The following STX6 variants were observed in gnomAD, a reference collection of about 807,000 sequenced individuals.
The protein encoded by STX6 is syntaxin-6.
Under a neutral mutation model 38.0 loss-of-function variants are expected in STX6, and 23 were observed. That is an observed-to-expected ratio of 0.60 (90% CI 0.43 to 0.86). The LOEUF is 0.86. STX6 is among the 40% of genes least tolerant of loss of function. The probability of loss-of-function intolerance (pLI) is 0.00; values close to 1 mark genes in which losing one functional copy is unlikely to be tolerated. For synonymous variants in STX6, 123 were observed against 107.5 expected (o/e 1.14, Z -0.89); for missense variants, 274 against 312.9 (o/e 0.88, Z 0.94).
rs1235162896 is a variant in STX6 at position 180,976,666 on chromosome 1, G to A, written c.692-20C>T. ...GCCGATCTGGAAGGCAGGACATGGG[G>A]ATTAGCTCTCACAGGGACTCCACAT... On this transcript the variant is annotated intron_variant, in intron 7 of 7. Coordinates refer to ENST00000258301, the MANE Select transcript of STX6 (RefSeq NM_005819.6). 1 of 1,610,638 alleles carries A rather than the reference G, an allele frequency of 6.2e-7. No homozygotes were observed. Among genetic ancestry groups the A allele is most frequent in the Non-Finnish European group, 8.5e-7 (1 of 1,178,204 alleles).
At chr1:180,993,915 TAGTATAA>T (rs1283577195) in intron 3 of STX6, among the ~76,000 whole-genome samples, 1 of 152,234 alleles carries the variant, frequency 6.6e-6, no homozygotes, top group African/African-American at 2.4e-5. Context: ...CATGTGCTTT[TAGTATAA>T]AGTATATTTA....
At chr1:181,022,288 T>G (rs1361702562) in intron 1 of STX6, among the ~76,000 whole-genome samples, 4 of 152,272 alleles carry the variant, frequency 2.6e-5, no homozygotes, top group East Asian at 3.9e-4. Context: ...CGAAGCAAGA[T>G]CCCATGCTCG....
intron 3 of STX6, among the ~76,000 whole-genome samples, chr1:180,997,655 C>T (rs889276003): frequency 6.6e-6 from 1 of 152,072 alleles, no homozygotes; most frequent in African/African-American, 2.4e-5. Context: ...ATTAAGCTCA[C>T]CTATTTTTAC....
At chr1:181,022,093 G>A (rs1247320278) in intron 1 of STX6, among the ~76,000 whole-genome samples, 1 of 150,908 alleles carries the variant, frequency 6.6e-6, no homozygotes, top group Non-Finnish European at 1.5e-5. Context: ...CTCCCAGAAC[G>A]GCCCCCGCCC....
intron 1 of STX6, among the ~76,000 whole-genome samples, chr1:181,018,409 A>G (rs923609732): frequency 8.8e-5 from 13 of 148,566 alleles, no homozygotes; most frequent in Middle Eastern, 3.5e-3. Flanking sequence ...AAAAAAAAAA[A>G]AAAAAGAAAA....
rs1655215061 is a variant in STX6, at chr1:180,975,258, C to G, written c.*1312G>C. The G allele has an allele frequency of 6.6e-6, 1 of 152,600 alleles. No homozygotes were observed. The highest frequency in any genetic ancestry group is 2.4e-5 in the African/African-American group (1 of 41,438). The allele number at this position is 152,600 out of a possible 1,614,324, so 9.5% of individuals were successfully genotyped here. A position where few individuals can be genotyped will look rare whatever the true frequency, so the allele number is the denominator to read the frequency against. ...CAGCCTCCACCACCGAGTTCTGGCTCTGGGTCCAAATACTACTTTAATATC... is the reference window on the plus strand; with the variant it reads ...CAGCCTCCACCACCGAGTTCTGGCTGTGGGTCCAAATACTACTTTAATATC... On this transcript the variant is annotated 3_prime_UTR_variant, in exon 8 of 8. Coordinates refer to ENST00000258301, the MANE Select transcript of STX6 (RefSeq NM_005819.6).
At position 180,972,754 on chromosome 1, in the gene STX6, C is replaced by T; in HGVS notation, c.*3816G>A. 7.6e-6 allele frequency: 3 copies of T among 395,900 alleles called. No individual in the cohort carries two copies. Among genetic ancestry groups the T allele is most frequent in the South Asian group, 5.7e-5 (3 of 52,542 alleles). 24.5% of individuals were successfully genotyped at this position (395,900 alleles called of 1,614,324 possible). On this transcript the variant is annotated 3_prime_UTR_variant, in exon 8 of 8. Coordinates refer to ENST00000258301, the MANE Select transcript of STX6 (RefSeq NM_005819.6). ...TTTCAGGTTGTTTTATTTTCCTTTT[C>T]CGGAGACTTTTGTACATACTGTTGT...
chr1:180,999,917 C>T (rs1162679073), intron 3 of STX6, among the ~76,000 whole-genome samples: 3 of 152,152 alleles, frequency 2.0e-5, no homozygotes, highest in Admixed American at 6.5e-5. Flanking sequence ...CACCCAGAAC[C>T]CAGAAATCTC....
chr1:180,994,703 T>C (rs1006989180), intron 3 of STX6, among the ~76,000 whole-genome samples: 57 of 152,046 alleles, frequency 3.7e-4, no homozygotes, highest in African/African-American at 1.3e-3. Context: ...TGAAGAGAGG[T>C]TGATTAATGG....
rs977351403 is a variant in STX6 at position 180,972,779 on chromosome 1, T to C, written c.*3791A>G. ...CCGGAGACTTTTGTACATACTGTTG[T>C]CCTGAGTAACAGTATCTCTAAGCTG... On this transcript the variant is annotated 3_prime_UTR_variant, in exon 8 of 8. Coordinates refer to ENST00000258301, the MANE Select transcript of STX6 (RefSeq NM_005819.6). 2 of 372,084 alleles carry C rather than the reference T, an allele frequency of 5.4e-6. No homozygotes were observed. The highest frequency in any genetic ancestry group is 1.1e-5 in the Non-Finnish European group (2 of 187,232). 23.0% of individuals were successfully genotyped at this position (372,084 alleles called of 1,614,324 possible).
chr1:180,979,172 T>C (rs532695945), intron 7 of STX6, among the ~76,000 whole-genome samples: 1 of 152,254 alleles, frequency 6.6e-6, no homozygotes, highest in East Asian at 1.9e-4. Flanking sequence ...AATGGGCTCA[T>C]TAGTAGGCTA....
intron 1 of STX6, among the ~76,000 whole-genome samples, chr1:181,017,468 A>G (rs1656594994): frequency 6.6e-6 from 1 of 152,210 alleles, no homozygotes; most frequent in Non-Finnish European, 1.5e-5. Flanking sequence ...TAAAATAGCA[A>G]AGAGCCATGG....
At chr1:180,980,916 A>G (rs887508628) in intron 7 of STX6, among the ~76,000 whole-genome samples, 4 of 152,240 alleles carry the variant, frequency 2.6e-5, no homozygotes, top group Admixed American at 1.3e-4. Flanking sequence ...GCTAAGTGAG[A>G]GAAGCCAATC....
chr1:181,022,029 T>G (rs954288993), intron 1 of STX6, among the ~76,000 whole-genome samples: 1 of 152,164 alleles, frequency 6.6e-6, no homozygotes, highest in African/African-American at 2.4e-5. Flanking sequence ...TCTCCTCACA[T>G]TACTCAGTAA....
At chr1:181,001,030 G>A in intron 3 of STX6, among the ~76,000 whole-genome samples, 1 of 152,170 alleles carries the variant, frequency 6.6e-6, no homozygotes, top group Non-Finnish European at 1.5e-5. Flanking sequence ...TGTGGATGGG[G>A]CATCTGAGGT....
chr1:181,016,000 GA>G (rs1327969979), intron 1 of STX6, among the ~76,000 whole-genome samples: 1 of 152,182 alleles, frequency 6.6e-6, no homozygotes, highest in African/African-American at 2.4e-5. Context: ...ATCTGGGTTT[GA>G]ACCCTTAAAA....
chr1:181,016,504 A>G (rs749382189), intron 1 of STX6, among the ~76,000 whole-genome samples: 1 of 152,224 alleles, frequency 6.6e-6, no homozygotes, highest in Non-Finnish European at 1.5e-5. Context: ...TCTTACAACG[A>G]AACACTGGAT....
intron 7 of STX6, among the ~76,000 whole-genome samples, chr1:180,978,925 A>G (rs895691476): frequency 3.9e-5 from 6 of 152,248 alleles, no homozygotes; most frequent in African/African-American, 1.4e-4. Context: ...AAGGCACACT[A>G]AAGGAAAAAG....
At chr1:180,998,977 T>G (rs976084955) in intron 3 of STX6, among the ~76,000 whole-genome samples, 11 of 152,224 alleles carry the variant, frequency 7.2e-5, no homozygotes, top group Admixed American at 7.2e-4. Context: ...CCAAGCTGAA[T>G]GAATGAGACA....
Sources: gnomAD v4.1 joint callset for allele counts (sites outside exome capture counted in the v4.1 genomes callset) on GRCh38, gnomAD v4.1.1 for gene constraint, MANE v1.5 for transcripts, NCBI Gene and HGNC (gene_info 2026-07-23, HGNC 2026-07-21) for gene names.